The following BICDL1 variants were observed in gnomAD, a reference collection of about 807,000 sequenced individuals.
BICDL1 encodes the protein BICD family like cargo adaptor 1, also known as BICD family-like cargo adapter 1.
BICDL1 carries 20 observed loss-of-function variants against 76.8 expected under a neutral mutation model. The ratio of observed to expected loss-of-function variants is 0.26; its 90% CI spans 0.18 to 0.38. BICDL1 has a LOEUF of 0.38. BICDL1 is among the 10% of genes least tolerant of loss of function. The pLI is 1.00. For missense variants in BICDL1, 700 were observed against 798.6 expected (o/e 0.88, Z 1.49); for synonymous variants, 383 against 337.1 (o/e 1.14, Z -1.49).
intron 2 of BICDL1, among the ~76,000 whole-genome samples, chr12:120,054,074 C>CTT (rs35079479): frequency 1.9e-4 from 27 of 140,506 alleles, no homozygotes; most frequent in Admixed American, 1.7e-3. Flanking sequence ...AAAATTGTAA[C>CTT]TTTTTTTTTT....
intron 8 of BICDL1, among the ~76,000 whole-genome samples, chr12:120,086,042 G>T (rs1391967781): frequency 1.3e-5 from 2 of 151,828 alleles, no homozygotes; most frequent in African/African-American, 4.8e-5. Flanking sequence ...CTGCCACCTG[G>T]GTGAGCAAAT....
rs1310357579 is a variant in BICDL1 at position 120,074,524 on chromosome 12, A to G, written c.1390A>G (p.Met464Val). 4.7e-6 allele frequency: 6 copies of G among 1,281,156 alleles called. No individual in the cohort carries two copies. The highest frequency in any genetic ancestry group is 6.1e-6 in the Non-Finnish European group (6 of 984,710). The allele number at this position is 1,281,156 out of a possible 1,614,324, so 79.4% of individuals were successfully genotyped here. Residue 464 changes from methionine to valine, a missense_variant, in exon 7 of 10, where the codon ATG becomes GTG. Met to Val is a conservative substitution (Grantham distance 21). Coordinates refer to ENST00000548673, the MANE Select transcript of BICDL1 (RefSeq NM_001367886.1). ...SEDSRALRELMEGERGKLRQS... is the reference protein window; with the variant it reads ...SEDSRALRELVEGERGKLRQS... ...GGACTCGAGAGCCCTAAGGGAGCTC[A>G]TGGAGGGAGAGAGGGGTAAACTGAG... is the stretch of plus-strand genomic sequence containing the variant.
intron 7 of BICDL1, 192 bp from the exon 8 acceptor site, chr12:120,080,695 G>C (rs938933009): frequency 6.1e-6 from 3 of 492,028 alleles, no homozygotes; most frequent in African/African-American, 3.9e-5. Flanking sequence ...CTCAAGCCTA[G>C]CATGTGATGT....
At chr12:120,014,792 G>T (rs765317878) in intron 2 of BICDL1, among the ~76,000 whole-genome samples, 2 of 151,198 alleles carry the variant, frequency 1.3e-5, no homozygotes, top group African/African-American at 4.9e-5. Context: ...CCAGAAGTTC[G>T]AGACCACCCT....
chr12:120,075,400 T>TTTA (rs1204475759), intron 7 of BICDL1, among the ~76,000 whole-genome samples: 1 of 152,070 alleles, frequency 6.6e-6, no homozygotes, highest in Admixed American at 6.5e-5. Context: ...TTTTTTTTTT[T>TTTA]TTTATTTCTT....
chr12:120,026,462 G>C (rs530245081), intron 2 of BICDL1, among the ~76,000 whole-genome samples: 1 of 152,298 alleles, frequency 6.6e-6, no homozygotes, highest in East Asian at 1.9e-4. Context: ...TTGTCATTTA[G>C]AGCAGTGGAT....
intron 2 of BICDL1, among the ~76,000 whole-genome samples, chr12:120,045,235 G>A (rs889395804): frequency 1.3e-5 from 2 of 152,186 alleles, no homozygotes; most frequent in African/African-American, 4.8e-5. Flanking sequence ...TCTCACACCA[G>A]TTAGAATGGC....
In BICDL1 at chr12:119,990,117, G is replaced by T. The variant is rs768546649; in HGVS notation, c.249G>T (p.Leu83=). ...ACCCTCAGGCCGAGCCTGGGTCTCT[G>T]GCCGAGGGGGCCGGACCGCAGCCGC... ...GEHPQAEPGS[L]AEGAGPQPPP... Residue 83 remains leucine (L), a synonymous_variant, in exon 1 of 10, where the codon CTG becomes CTT. Coordinates refer to ENST00000548673, the MANE Select transcript of BICDL1 (RefSeq NM_001367886.1). 4 of 1,549,714 alleles carry T rather than the reference G, an allele frequency of 2.6e-6. No homozygotes were observed. Among genetic ancestry groups the T allele is most frequent in the Non-Finnish European group, 3.5e-6 (4 of 1,146,924 alleles).
At chr12:120,016,016 A>G (rs1044848135) in intron 2 of BICDL1, among the ~76,000 whole-genome samples, 3 of 152,172 alleles carry the variant, frequency 2.0e-5, no homozygotes, top group African/African-American at 4.8e-5. Context: ...CATTTCTGCT[A>G]CCCCAAAAAG....
intron 2 of BICDL1, among the ~76,000 whole-genome samples, chr12:120,016,619 C>G (rs1357739964): frequency 6.6e-6 from 1 of 151,688 alleles, no homozygotes; most frequent in Middle Eastern, 3.2e-3. Flanking sequence ...ACAGTTTTGC[C>G]ATGTTGCCCA....
intron 2 of BICDL1, among the ~76,000 whole-genome samples, chr12:120,026,580 A>G (rs774906737): frequency 6.6e-6 from 1 of 152,232 alleles, no homozygotes; most frequent in African/African-American, 2.4e-5. Flanking sequence ...CAAAAACTAC[A>G]CAAGATTTAA....
intron 2 of BICDL1, among the ~76,000 whole-genome samples, chr12:120,007,844 C>T (rs1013730231): frequency 2.0e-5 from 3 of 152,192 alleles, no homozygotes; most frequent in African/African-American, 7.2e-5. Context: ...TTGAGTGATG[C>T]AGAACCATTT....
At chr12:120,045,499 G>A (rs1215385532) in intron 2 of BICDL1, among the ~76,000 whole-genome samples, 1 of 152,164 alleles carries the variant, frequency 6.6e-6, no homozygotes, top group African/African-American at 2.4e-5. Flanking sequence ...ATTCACAAGA[G>A]CGAAGATTTG....
intron 2 of BICDL1, among the ~76,000 whole-genome samples, chr12:120,014,390 T>C (rs1481285613): frequency 6.6e-6 from 1 of 152,088 alleles, no homozygotes; most frequent in African/African-American, 2.4e-5. Context: ...ACCAGCAGAG[T>C]TTGAATTAAA....
chr12:120,002,370 A>G (rs1197139279), intron 2 of BICDL1, among the ~76,000 whole-genome samples: 3 of 152,240 alleles, frequency 2.0e-5, no homozygotes, highest in Non-Finnish European at 4.4e-5. Flanking sequence ...TCTTACCAAC[A>G]GATACAACTC....
At position 120,024,281 on chromosome 12, in the gene BICDL1, A is replaced by C. The variant is rs544932796; in HGVS notation, c.645+25545A>C. The stretch of plus-strand genomic sequence containing the variant: ...GGGCAACAGAGCAAGACTCCATCTC[A>C]AAACAAAACAAAACAAAAAACACAG... On this transcript the variant is annotated intron_variant, in intron 2 of 9. Transcript: ENST00000548673. Among the ~76,000 whole-genome samples the C allele has an allele frequency of 5.0e-4, 76 of 152,302 alleles. No homozygotes were observed. In the South Asian group the frequency reaches 6.8e-3, roughly 14 times the overall value.
chr12:120,093,224 C>A lies in BICDL1; in HGVS notation c.*63C>A. Reference sequence around the variant, plus strand: ...GAGGCAGCTGGAAAGGCGGTGCAGGCAAGGCCTCCCCTGCAGCTTGCACCT... The same window carrying A: ...GAGGCAGCTGGAAAGGCGGTGCAGGAAAGGCCTCCCCTGCAGCTTGCACCT... On this transcript the variant is annotated 3_prime_UTR_variant, in exon 10 of 10. Coordinates refer to ENST00000548673, the MANE Select transcript of BICDL1 (RefSeq NM_001367886.1). 2 of 1,531,774 alleles carry A rather than the reference C, an allele frequency of 1.3e-6. No individual in the cohort carries two copies. Among genetic ancestry groups the A allele is most frequent in the African/African-American group, 2.7e-5 (2 of 72,844 alleles). The allele number at this position is 1,531,774 out of a possible 1,614,324, so 94.9% of individuals were successfully genotyped here.
At position 120,091,629 on chromosome 12, in the gene BICDL1, C is replaced by G. The variant is rs893837553; in HGVS notation, c.1705-1371C>G. The G allele has an allele frequency of 6.1e-6, 6 of 984,882 alleles. No homozygotes were observed. In the African/African-American group the frequency reaches 1.1e-4, roughly 17 times the overall value. The allele number at this position is 984,882 out of a possible 1,614,324, so 61.0% of individuals were successfully genotyped here. ...GGGCAAGGAGAAGACCAGGAATGAG[C>G]TGAGTCTGAAAGACAGGGTTGAGAG... On this transcript the variant is annotated intron_variant, in intron 9 of 9. Transcript: ENST00000548673.
At position 120,071,174 on chromosome 12, in the gene BICDL1, G is replaced by A. The variant is rs896643378; in HGVS notation, c.910-448G>A. Among the ~76,000 whole-genome samples the A allele has an allele frequency of 1.3e-5, 2 of 149,522 alleles. No individual in the cohort carries two copies. The highest frequency in any genetic ancestry group is 2.5e-5 in the African/African-American group (1 of 40,518). On this transcript the variant is annotated intron_variant, in intron 4 of 9. Transcript: ENST00000548673. This position sits in a 1 kb window ranked among gnomAD's most constrained non-coding sequence, Gnocchi z 4.8. ...TTTTTCTTTTTTGAGGTGGCGTCTCGCACTGTCACCCAGGTTGGAGTGCAA... is the reference window on the plus strand; with the variant it reads ...TTTTTCTTTTTTGAGGTGGCGTCTCACACTGTCACCCAGGTTGGAGTGCAA...
Sources: allele counts gnomAD v4.1 joint callset (sites outside exome capture counted in the v4.1 genomes callset), GRCh38; gene constraint gnomAD v4.1.1; non-coding constraint Gnocchi (gnomAD v3.1); transcripts MANE v1.5; gene names NCBI Gene and HGNC (gene_info 2026-07-23, HGNC 2026-07-21).